Variants in CNIH3 observed in about 807,000 individuals in gnomAD.
CNIH3 encodes protein cornichon homolog 3.
CNIH3 carries 14 observed loss-of-function variants against 24.1 expected under a neutral mutation model. The observed-to-expected ratio is 0.58, with a 90% CI of 0.38 to 0.91. The LOEUF (loss-of-function observed/expected upper bound fraction) is 0.91. Ranked by LOEUF, CNIH3 falls within the 40% of genes least tolerant of loss-of-function variation. The probability of loss-of-function intolerance (pLI) is 0.00; values close to 1 mark genes in which losing one functional copy is unlikely to be tolerated. For synonymous variants in CNIH3, 68 were observed against 73.8 expected, an observed-to-expected ratio of 0.92 and a Z score of 0.40; for missense variants, 178 against 196.8, an observed-to-expected ratio of 0.90 and a Z score of 0.57.
intron 1 of CNIH3, chr1:224,454,383 A>C: frequency 2.3e-6 from 2 of 882,258 alleles, no homozygotes; most frequent in Non-Finnish European, 2.7e-6. Flanking sequence ...TGTTGAACAT[A>C]ATTGAAATGT....
At chr1:224,437,642 TA>T (rs1350022008) in intron 1 of CNIH3, among the ~76,000 whole-genome samples, 1 of 152,246 alleles carries the variant, frequency 6.6e-6, no homozygotes, top group Admixed American at 6.5e-5. Flanking sequence ...CCATAATTTG[TA>T]TTTTTAAAAA....
At chr1:224,702,538 C>T (rs143062482) in intron 3 of CNIH3, among the ~76,000 whole-genome samples, 92 of 152,338 alleles carry the variant, frequency 6.0e-4, no homozygotes, top group African/African-American at 2.0e-3. Context: ...GTTGCAGAGG[C>T]GGCCTTCTGT....
intron 2 of CNIH3, among the ~76,000 whole-genome samples, chr1:224,531,752 G>T (rs1002268284): frequency 9.9e-5 from 15 of 152,232 alleles, no homozygotes; most frequent in African/African-American, 3.4e-4. Context: ...GGACCCATCT[G>T]TGAGACATCC....
chr1:224,680,807 G>C (rs1249487902), intron 1 of CNIH3, 151 bp from the exon 2 acceptor site: 2 of 637,554 alleles, frequency 3.1e-6, no homozygotes, highest in East Asian at 5.5e-5. Flanking sequence ...CTTATTGCCA[G>C]CTTCGACAGT....
At chr1:224,657,655 A>G (rs1461528117) in intron 1 of CNIH3, among the ~76,000 whole-genome samples, 1 of 152,174 alleles carries the variant, frequency 6.6e-6, no homozygotes, top group Non-Finnish European at 1.5e-5. Flanking sequence ...ATCGTCATGA[A>G]CACATCAGCC....
intron 1 of CNIH3, among the ~76,000 whole-genome samples, chr1:224,508,757 G>T (rs1241773138): frequency 1.3e-5 from 2 of 152,036 alleles, no homozygotes; most frequent in Non-Finnish European, 2.9e-5. Flanking sequence ...AATCATATAT[G>T]GTTTGTCATA....
intron 3 of CNIH3, among the ~76,000 whole-genome samples, chr1:224,688,915 A>C (rs1459334034): frequency 6.6e-6 from 1 of 150,502 alleles, no homozygotes; most frequent in African/African-American, 2.5e-5. Context: ...ACAACAGCAA[A>C]GATCTGTCTC....
intron 2 of CNIH3, chr1:224,521,632 T>C (rs1362261428): frequency 6.6e-6 from 1 of 152,124 alleles, no homozygotes; most frequent in African/African-American, 2.4e-5. Flanking sequence ...CATGCTAGCC[T>C]GGAATTGTTG....
intron 2 of CNIH3, among the ~76,000 whole-genome samples, chr1:224,532,350 T>C (rs1036622603): frequency 1.3e-5 from 2 of 152,136 alleles, no homozygotes; most frequent in Admixed American, 1.3e-4. Context: ...GGTTTTAGTC[T>C]GAGATGGGGG....
At chr1:224,474,396 A>G (rs1423654406) in intron 1 of CNIH3, among the ~76,000 whole-genome samples, 1 of 151,952 alleles carries the variant, frequency 6.6e-6, no homozygotes, top group Non-Finnish European at 1.5e-5. Context: ...TTCAAGAAAA[A>G]GTTTTCTTGA....
At chr1:224,662,911 A>G (rs1307646810) in intron 1 of CNIH3, among the ~76,000 whole-genome samples, 6 of 152,180 alleles carry the variant, frequency 3.9e-5, no homozygotes, top group Admixed American at 1.3e-4. Flanking sequence ...AGCAGTTTCC[A>G]AGGCAGTTTT....
At chr1:224,485,956 C>T (rs1225780008) in intron 1 of CNIH3, among the ~76,000 whole-genome samples, 2 of 152,030 alleles carry the variant, frequency 1.3e-5, no homozygotes, top group South Asian at 2.1e-4. Flanking sequence ...GTAGGGAATG[C>T]ACAACTTTTT....
intron 3 of CNIH3, among the ~76,000 whole-genome samples, chr1:224,595,100 G>A (rs1681921916): frequency 6.6e-6 from 1 of 152,206 alleles, no homozygotes; most frequent in Admixed American, 6.5e-5. Flanking sequence ...AGGCTGGAGT[G>A]CAGGGAAGTG....
intron 1 of CNIH3, among the ~76,000 whole-genome samples, chr1:224,636,500 A>G (rs761646456): frequency 6.6e-6 from 1 of 152,244 alleles, no homozygotes; most frequent in Non-Finnish European, 1.5e-5. Context: ...CAGACAAGCT[A>G]GTGTGCTTTA....
Position 224,616,641 on chromosome 1 carries a change from C to T in CNIH3, c.-534C>T. Reference sequence around the variant, plus strand: ...TCTCGGGAAAGAGCGCTGCCCGGCTCTGGGATTTGGGAGGAGCTCGGAGGC... The same window carrying T: ...TCTCGGGAAAGAGCGCTGCCCGGCTTTGGGATTTGGGAGGAGCTCGGAGGC... On this transcript the variant is annotated 5_prime_UTR_variant, in exon 1 of 6. Coordinates refer to ENST00000272133, the MANE Select transcript of CNIH3 (RefSeq NM_152495.2). 1 of 987,974 alleles carries T rather than the reference C, an allele frequency of 1.0e-6. No homozygotes were observed. The highest frequency in any genetic ancestry group is 1.2e-6 in the Non-Finnish European group (1 of 831,806). 61.2% of individuals were successfully genotyped at this position (987,974 alleles called of 1,614,324 possible). A position where few individuals can be genotyped will look rare whatever the true frequency, so the allele number is the denominator to read the frequency against.
chr1:224,613,583 G>A (rs1464450236), upstream of CNIH3, among the ~76,000 whole-genome samples: 1 of 152,212 alleles, frequency 6.6e-6, no homozygotes, highest in African/African-American at 2.4e-5. Flanking sequence ...GTGGGGCCTG[G>A]TGGGAGGTGT....
At chr1:224,573,625 C>T (rs865834965) in intron 4 of CNIH3, among the ~76,000 whole-genome samples, 1 of 152,182 alleles carries the variant, frequency 6.6e-6, no homozygotes, top group Non-Finnish European at 1.5e-5. Flanking sequence ...AACCCAGAGT[C>T]AGGAATTCAG....
intron 5 of CNIH3, among the ~76,000 whole-genome samples, chr1:224,739,002 C>T (rs151154750): frequency 2.1e-3 from 322 of 152,272 alleles, no homozygotes; most frequent in African/African-American, 7.3e-3. Context: ...CCCACCTCCA[C>T]CCCCAGACCT....
At chr1:224,668,795 G>C (rs368305600) in intron 1 of CNIH3, among the ~76,000 whole-genome samples, 2 of 152,108 alleles carry the variant, frequency 1.3e-5, no homozygotes, top group Non-Finnish European at 2.9e-5. Context: ...CACAAGTTTG[G>C]TGAGAGGAGG....
Sources: gnomAD v4.1 joint callset for allele counts (sites outside exome capture counted in the v4.1 genomes callset) on GRCh38, gnomAD v4.1.1 for gene constraint, MANE v1.5 for transcripts, NCBI Gene and HGNC (gene_info 2026-07-23, HGNC 2026-07-21) for gene names.